Variants in NXN observed in about 807,000 individuals in gnomAD.
NXN encodes nucleoredoxin 1.
Under a neutral mutation model 48.6 loss-of-function variants are expected in NXN, and 16 were observed. The observed-to-expected ratio is 0.33, with a 90% CI of 0.22 to 0.50. The LOEUF (loss-of-function observed/expected upper bound fraction) is 0.50. Among genes scored for constraint, NXN ranks in the 20% least tolerant of loss-of-function variants. NXN has a pLI of 0.98. For missense variants in NXN, 492 were observed against 605.5 expected (o/e 0.81, Z 1.97); for synonymous variants, 281 against 269.6 (o/e 1.04, Z -0.41).
At chr17:964,810 C>T (rs774715096) in intron 1 of NXN, among the ~76,000 whole-genome samples, 2 of 152,220 alleles carry the variant, frequency 1.3e-5, no homozygotes, top group Non-Finnish European at 2.9e-5. Flanking sequence ...AGCACAAGGA[C>T]AGTGGGCTGC....
intron 1 of NXN, among the ~76,000 whole-genome samples, chr17:870,911 T>G (rs1435013721): frequency 1.3e-5 from 2 of 152,010 alleles, no homozygotes; most frequent in Non-Finnish European, 2.9e-5. Context: ...CAGGCTGGAG[T>G]GCAGTGGTGC....
rs1327178321 is a variant in NXN, at chr17:919,917, G to GA, written c.360+59401dup. 6.6e-6 allele frequency among the ~76,000 whole-genome samples: 1 copy of GA among 151,990 alleles called. No individual in the cohort carries two copies. The highest frequency in any genetic ancestry group is 1.5e-5 in the Non-Finnish European group (1 of 68,010). On this transcript the variant is annotated intron_variant, in intron 1 of 7. Transcript: ENST00000336868. This position sits in a 1 kb window ranked among gnomAD's most constrained non-coding sequence, Gnocchi z 5.1. The stretch of plus-strand genomic sequence containing the variant: ...ATTCACTAACCCCCAGGCCATGGCG[G>GA]AAAATGTACCTTCCATCTCTCTCTG...
chr17:867,054 C>T (rs551360747), intron 1 of NXN, among the ~76,000 whole-genome samples: 130 of 128,944 alleles, frequency 1.0e-3, no homozygotes, highest in African/African-American at 3.5e-3. Flanking sequence ...GCTTGGTCAG[C>T]AAGTTCTCGG....
Position 872,855 on chromosome 17 carries a change from A to C in NXN, c.361-46777T>G, listed in dbSNP as rs994798122. ...AGGCTGGTCTTGAACTCCTGACCTCAGGTGATCCACCCGCCTTGGCCTCCC... is the reference window on the plus strand; with the variant it reads ...AGGCTGGTCTTGAACTCCTGACCTCCGGTGATCCACCCGCCTTGGCCTCCC... On this transcript the variant is annotated intron_variant, in intron 1 of 7. Transcript: ENST00000336868. Among the ~76,000 whole-genome samples the C allele has an allele frequency of 1.6e-4, 24 of 152,178 alleles. No individual in the cohort carries two copies. The South Asian group carries it at 4.2e-3, about 26-fold the overall frequency.
chr17:959,699 C>A (rs2069214079), intron 1 of NXN, among the ~76,000 whole-genome samples: 1 of 151,238 alleles, frequency 6.6e-6, no homozygotes, highest in Non-Finnish European at 1.5e-5. Context: ...GAGGTTGAGG[C>A]AGGAGAATCA....
intron 6 of NXN, among the ~76,000 whole-genome samples, chr17:804,202 G>A (rs1041420886): frequency 1.3e-5 from 2 of 151,338 alleles, no homozygotes; most frequent in African/African-American, 2.4e-5. Context: ...TCCGACCTCC[G>A]ACTTCCCAGT....
At position 866,988 on chromosome 17, in the gene NXN, C is replaced by T. The variant is rs185277906; in HGVS notation, c.361-40910G>A. 7.2e-3 allele frequency among the ~76,000 whole-genome samples: 1,091 copies of T among 151,536 alleles called. 4 individuals carry two copies. The highest frequency in any genetic ancestry group is 0.012 in the Non-Finnish European group (792 of 67,848). On this transcript the variant is annotated intron_variant, in intron 1 of 7. Coordinates refer to ENST00000336868, the MANE Select transcript of NXN (RefSeq NM_022463.5). ...TGGTCAGCAAGTTCTCGGGGTTCTC[C>T]GGGGAATTCTCCAGCTTGGTCAGCA... is the stretch of plus-strand genomic sequence containing the variant.
intron 1 of NXN, among the ~76,000 whole-genome samples, chr17:845,255 A>T (rs1308413760): frequency 6.6e-6 from 1 of 151,450 alleles, no homozygotes; most frequent in Non-Finnish European, 1.5e-5. Flanking sequence ...TCCTACCATC[A>T]TCAATCACCC....
intron 1 of NXN, among the ~76,000 whole-genome samples, chr17:964,892 ATCCTGTGTGTG>A (rs2069284035): frequency 2.0e-5 from 3 of 152,240 alleles, no homozygotes; most frequent in African/African-American, 7.2e-5. Flanking sequence ...CGGGCTTCGC[ATCCTGTGTGTG>A]ACGGAGAGAA....
intron 5 of NXN, 40 bp downstream of exon 5, chr17:819,398 GT>G (rs151322602): frequency 0.015 from 22,549 of 1,463,808 alleles, 228 homozygotes; most frequent in Non-Finnish European, 0.019. Context: ...AGGTGAGCAG[GT>G]TTCCAGGAGC....
Position 825,925 on chromosome 17 carries a change from TAA to T in NXN, c.478+34_478+35del. 1 of 1,346,030 alleles carries T rather than the reference TAA, an allele frequency of 7.4e-7. No homozygotes were observed. Among genetic ancestry groups the T allele is most frequent in the African/African-American group, 1.4e-5 (1 of 69,552 alleles). 83.4% of individuals were successfully genotyped at this position (1,346,030 alleles called of 1,614,324 possible). A position where few individuals can be genotyped will look rare whatever the true frequency, so the allele number is the denominator to read the frequency against. On this transcript the variant is annotated intron_variant, in intron 2 of 7. Transcript: ENST00000336868. This position sits in a 1 kb window ranked among gnomAD's most constrained non-coding sequence, Gnocchi z 4.1. ...AGGGCATGGAGGAGGGAGGGCTGGG[TAA>T]TAAGAGGACCATATGCACGGGCTGA... is the stretch of plus-strand genomic sequence containing the variant.
At chr17:892,285 C>G (rs2068431479) in intron 1 of NXN, among the ~76,000 whole-genome samples, 1 of 152,172 alleles carries the variant, frequency 6.6e-6, no homozygotes, top group South Asian at 2.1e-4. Flanking sequence ...GCTAACCCCA[C>G]CATGCACAGC....
chr17:860,416 G>A (rs575785822), intron 1 of NXN, among the ~76,000 whole-genome samples: 1 of 1,832 alleles, frequency 5.5e-4, no homozygotes, highest in Non-Finnish European at 1.3e-3. Context: ...GAGCCACCGC[G>A]CCCGGCTAAT....
chr17:935,115 C>T (rs1027629132), intron 1 of NXN, among the ~76,000 whole-genome samples: 5 of 151,882 alleles, frequency 3.3e-5, no homozygotes, highest in Admixed American at 6.6e-5. Context: ...CCTCAGCCTC[C>T]TGAGTAGCTG....
chr17:961,885 A>G (rs1386884061), intron 1 of NXN, among the ~76,000 whole-genome samples: 1 of 152,214 alleles, frequency 6.6e-6, no homozygotes, highest in Non-Finnish European at 1.5e-5. Flanking sequence ...CTGTAATCCC[A>G]ACACTTTGCC....
intron 1 of NXN, among the ~76,000 whole-genome samples, chr17:969,918 A>C (rs2069353646): frequency 6.6e-6 from 1 of 152,228 alleles, no homozygotes; most frequent in African/African-American, 2.4e-5. Context: ...ACCGTCATTC[A>C]CTGTAGAAAC....
In NXN at chr17:825,864, A is replaced by G; in HGVS notation, c.478+97T>C. 1.3e-6 allele frequency: 1 copy of G among 749,572 alleles called. No individual in the cohort carries two copies. Among genetic ancestry groups the G allele is most frequent in the Non-Finnish European group, 2.3e-6 (1 of 436,522 alleles). 46.4% of individuals were successfully genotyped at this position (749,572 alleles called of 1,614,324 possible). A position where few individuals can be genotyped will look rare whatever the true frequency, so the allele number is the denominator to read the frequency against. ...TAAACCCACGTGTATCTATTTCACCAGTACTCTCTCCACCGGTGGGACGGA... is the reference window on the plus strand; with the variant it reads ...TAAACCCACGTGTATCTATTTCACCGGTACTCTCTCCACCGGTGGGACGGA... On this transcript the variant is annotated intron_variant, in intron 2 of 7. Coordinates refer to ENST00000336868, the MANE Select transcript of NXN (RefSeq NM_022463.5). This position sits in a 1 kb window ranked among gnomAD's most constrained non-coding sequence, Gnocchi z 4.1.
At position 826,857 on chromosome 17, in the gene NXN, G is replaced by A. The variant is rs187257651; in HGVS notation, c.361-779C>T. 1.8e-4 allele frequency among the ~76,000 whole-genome samples: 28 copies of A among 152,322 alleles called. No homozygotes were observed. The East Asian group carries it at 5.0e-3, about 27-fold the overall frequency. On this transcript the variant is annotated intron_variant, in intron 1 of 7. Coordinates refer to ENST00000336868, the MANE Select transcript of NXN (RefSeq NM_022463.5). ...GATTCTTGAGGTTGGCTGTGCACACGGTCAGAGGTCCAGGGTCTAAGAGGA... is the reference window on the plus strand; with the variant it reads ...GATTCTTGAGGTTGGCTGTGCACACAGTCAGAGGTCCAGGGTCTAAGAGGA...
chr17:812,758 A>G (rs561719409), intron 5 of NXN, among the ~76,000 whole-genome samples: 1 of 138,718 alleles, frequency 7.2e-6, no homozygotes, highest in South Asian at 2.3e-4. Flanking sequence ...GAGAGTGTGC[A>G]TATGTGTGAG....
Sources: allele counts gnomAD v4.1 joint callset (sites outside exome capture counted in the v4.1 genomes callset), GRCh38; gene constraint gnomAD v4.1.1; non-coding constraint Gnocchi (gnomAD v3.1); transcripts MANE v1.5; gene names NCBI Gene and HGNC (gene_info 2026-07-23, HGNC 2026-07-21).